The following COX10 variants were observed in gnomAD, a reference collection of about 807,000 sequenced individuals.
COX10 encodes cytochrome c oxidase assembly factor heme A:farnesyltransferase COX10.
A neutral mutation model predicts 37.3 loss-of-function variants in COX10; 27 were observed. That is an observed-to-expected ratio of 0.72 (90% CI 0.53 to 1.00). The LOEUF is 1.00. Ranked by LOEUF, COX10 falls within the 50% of genes least tolerant of loss-of-function variation. The pLI is 0.00. For synonymous variants in COX10, 222 were observed against 229.1 expected, an observed-to-expected ratio of 0.97 and a Z score of 0.28; for missense variants, 475 against 563.2, an observed-to-expected ratio of 0.84 and a Z score of 1.59.
intron 4 of COX10, among the ~76,000 whole-genome samples, chr17:14,113,635 C>T (rs1413932778): frequency 6.6e-6 from 1 of 152,030 alleles, no homozygotes; most frequent in Admixed American, 6.6e-5. Flanking sequence ...ATAATTGTGT[C>T]TTCTTGAATT....
At chr17:14,179,047 C>T in intron 5 of COX10, among the ~76,000 whole-genome samples, 1 of 152,182 alleles carries the variant, frequency 6.6e-6, no homozygotes, top group Non-Finnish European at 1.5e-5. Context: ...TCTACCTCCC[C>T]AACTTTCAAC....
chr17:14,093,436 T>TA (rs895673523), intron 3 of COX10, among the ~76,000 whole-genome samples: 11 of 150,976 alleles, frequency 7.3e-5, no homozygotes, highest in Admixed American at 2.0e-4. Context: ...TAGTGGGACT[T>TA]AAAAAAAAAC....
chr17:14,139,911 G>A (rs1250493178), intron 4 of COX10, among the ~76,000 whole-genome samples: 4 of 152,094 alleles, frequency 2.6e-5, no homozygotes, highest in Admixed American at 6.6e-5. Flanking sequence ...CATAAACAAA[G>A]CCATAGAAAA....
chr17:14,151,409 C>T (rs1156461902), intron 4 of COX10, among the ~76,000 whole-genome samples: 1 of 152,034 alleles, frequency 6.6e-6, no homozygotes, highest in Non-Finnish European at 1.5e-5. Context: ...CAAGTTATGG[C>T]ATCCTGGAGT....
chr17:14,106,790 T>C (rs992848313), intron 4 of COX10, among the ~76,000 whole-genome samples: 2 of 152,136 alleles, frequency 1.3e-5, no homozygotes, highest in Non-Finnish European at 2.9e-5. Flanking sequence ...TTTTGGTCAG[T>C]TGTTTGCTGG....
At chr17:14,126,960 A>AATGG (rs1555536322) in intron 4 of COX10, among the ~76,000 whole-genome samples, 3 of 19,536 alleles carry the variant, frequency 1.5e-4, no homozygotes, top group Non-Finnish European at 1.9e-4. Flanking sequence ...TTTAGAAAAA[A>AATGG]ATAGATAGTG....
intron 6 of COX10, among the ~76,000 whole-genome samples, chr17:14,197,760 G>A (rs1906411162): frequency 6.6e-6 from 1 of 152,260 alleles, no homozygotes; most frequent in Non-Finnish European, 1.5e-5. Context: ...AGAGAGTGCT[G>A]TGCCGCAAAG....
chr17:14,107,902 A>G (rs1261992124), intron 4 of COX10, among the ~76,000 whole-genome samples: 1 of 152,152 alleles, frequency 6.6e-6, no homozygotes, highest in African/African-American at 2.4e-5. Flanking sequence ...ATCCTGAGCC[A>G]AAGTCAGCCT....
Position 14,207,387 on chromosome 17 carries a change from C to T in COX10, c.*174C>T. On this transcript the variant is annotated 3_prime_UTR_variant, in exon 7 of 7. Coordinates refer to ENST00000261643, the MANE Select transcript of COX10 (RefSeq NM_001303.4). ...TTTTAAATATTACCCAAAATGCTCC[C>T]CAAATAAGAAATGCATCAGCTCAGT... The T allele has an allele frequency of 1.2e-6, 1 of 838,876 alleles. No homozygotes were observed. The highest frequency in any genetic ancestry group is 1.8e-6 in the Non-Finnish European group (1 of 568,216). 52.0% of individuals were successfully genotyped at this position (838,876 alleles called of 1,614,324 possible).
At chr17:14,095,279 G>A (rs1915619005) in intron 3 of COX10, among the ~76,000 whole-genome samples, 1 of 152,158 alleles carries the variant, frequency 6.6e-6, no homozygotes, top group Non-Finnish European at 1.5e-5. Flanking sequence ...ATTATTTGAA[G>A]TACTGAATTA....
intron 4 of COX10, among the ~76,000 whole-genome samples, chr17:14,150,428 A>G (rs888897249): frequency 6.6e-6 from 1 of 152,214 alleles, no homozygotes; most frequent in Non-Finnish European, 1.5e-5. Flanking sequence ...TTTCCGTGCA[A>G]TATTAATGTT....
rs573669721 is a variant in COX10 at position 14,071,855 on chromosome 17, G to A, written c.43+2207G>A. 1.4e-3 allele frequency among the ~76,000 whole-genome samples: 218 copies of A among 151,950 alleles called. 1 individual carries two copies. Among genetic ancestry groups the A allele is most frequent in the African/African-American group, 5.1e-3 (210 of 41,446 alleles). On this transcript the variant is annotated intron_variant, in intron 1 of 6. Coordinates refer to ENST00000261643, the MANE Select transcript of COX10 (RefSeq NM_001303.4). ...GCAGAGGTTGTAGTGAGCCAAGATC[G>A]TGCCACTGCACTCCAGCCTGGGTGA...
At chr17:14,192,322 A>C in intron 6 of COX10, 101 bp downstream of exon 6, 1 of 1,318,218 alleles carries the variant, frequency 7.6e-7, no homozygotes, top group Admixed American at 1.9e-5. Flanking sequence ...TCCATCCCAC[A>C]TTAATTCTTT....
intron 4 of COX10, among the ~76,000 whole-genome samples, chr17:14,147,410 A>G (rs1317123426): frequency 6.6e-6 from 1 of 152,142 alleles, no homozygotes; most frequent in Non-Finnish European, 1.5e-5. Flanking sequence ...AAAAACAAAC[A>G]TTGCGTATTC....
rs186912518 is a variant in COX10 at position 14,156,901 on chromosome 17, G to T, written c.625-2976G>T. On this transcript the variant is annotated intron_variant, in intron 4 of 6. Coordinates refer to ENST00000261643, the MANE Select transcript of COX10 (RefSeq NM_001303.4). ...GTCTCAGTCTTTCTAGTGGATTAGG[G>T]GTTGGCAAACATTTTCCGCAGAGTC... Among the ~76,000 whole-genome samples the T allele has an allele frequency of 2.6e-3, 389 of 152,198 alleles. 2 individuals are homozygous for T. Among genetic ancestry groups the T allele is most frequent in the African/African-American group, 5.8e-3 (241 of 41,534 alleles).
chr17:14,093,471 C>T (rs1408285111), intron 3 of COX10, among the ~76,000 whole-genome samples: 1 of 152,152 alleles, frequency 6.6e-6, no homozygotes. Flanking sequence ...GTTGCTTCTT[C>T]AAGAAAACCT....
intron 4 of COX10, among the ~76,000 whole-genome samples, chr17:14,131,904 T>TA (rs1170255906): frequency 6.6e-6 from 1 of 151,944 alleles, no homozygotes; most frequent in East Asian, 1.9e-4. Flanking sequence ...ATCTTCTGAC[T>TA]AAAAAAACTG....
chr17:14,087,228 T>C (rs1915429780), intron 3 of COX10, among the ~76,000 whole-genome samples: 1 of 152,242 alleles, frequency 6.6e-6, no homozygotes, highest in Non-Finnish European at 1.5e-5. Context: ...CTAGTGGGTC[T>C]GTGGTAAATC....
chr17:14,173,516 G>A (rs1299134892), intron 5 of COX10, among the ~76,000 whole-genome samples: 1 of 152,224 alleles, frequency 6.6e-6, no homozygotes, highest in Non-Finnish European at 1.5e-5. Context: ...TGCAAAGATG[G>A]GAGTGCAAAA....
Sources: allele counts gnomAD v4.1 joint callset (sites outside exome capture counted in the v4.1 genomes callset), GRCh38; gene constraint gnomAD v4.1.1; transcripts MANE v1.5; gene names NCBI Gene and HGNC (gene_info 2026-07-23, HGNC 2026-07-21).